MED6: variants seen among roughly 807,000 people sequenced by gnomAD.
MED6 encodes the protein mediator of RNA polymerase II transcription subunit 6.
Under a neutral mutation model 37.5 loss-of-function variants are expected in MED6, and 33 were observed. The ratio of observed to expected loss-of-function variants is 0.88; its 90% confidence interval spans 0.67 to 1.18. The LOEUF (loss-of-function observed/expected upper bound fraction) is 1.18. MED6 is among the 50% of genes most tolerant of loss of function. The probability of loss-of-function intolerance (pLI) is 0.00; values close to 1 mark genes in which losing one functional copy is unlikely to be tolerated. For synonymous variants in MED6, 94 were observed against 93.6 expected (o/e 1.00, Z -0.02); for missense variants, 235 against 290.6 (o/e 0.81, Z 1.39).
At chr14:70,592,789 A>T in intron 5 of MED6, 91 bp downstream of exon 5, 1 of 1,426,034 alleles carries the variant, frequency 7.0e-7, no homozygotes, top group Non-Finnish European at 9.7e-7. Flanking sequence ...AAACACACTT[A>T]GAAAAGATCA....
intron 5 of MED6, chr14:70,592,479 T>C (rs1051056582): frequency 1.3e-4 from 4 of 30,974 alleles, no homozygotes; most frequent in South Asian, 1.7e-3. Context: ...CCTATGTTCC[T>C]TTTTTTTTTT....
At chr14:70,594,692 G>C (rs953141045) in intron 3 of MED6, 4 of 458,152 alleles carry the variant, frequency 8.7e-6, no homozygotes, top group Admixed American at 2.7e-5. Flanking sequence ...AGATCTCCGT[G>C]TCCCGCTCCA....
chr14:70,598,164 C>G (rs529611858), intron 1 of MED6, among the ~76,000 whole-genome samples: 2 of 152,134 alleles, frequency 1.3e-5, no homozygotes, highest in East Asian at 3.9e-4. Flanking sequence ...CGTGTTTGTG[C>G]ATGCCCATAA....
Position 70,583,883 on chromosome 14 carries a change from C to T in MED6, c.*930G>A. On this transcript the variant is annotated 3_prime_UTR_variant, in exon 8 of 8. Transcript: ENST00000256379. ...TGCTGCCTAGGGACTTTGCAGACTTCCTACCAGCAAGAAGGCCCTCACCAG... is the reference window on the plus strand; with the variant it reads ...TGCTGCCTAGGGACTTTGCAGACTTTCTACCAGCAAGAAGGCCCTCACCAG... 2.5e-6 allele frequency: 1 copy of T among 394,964 alleles called. No individual in the cohort carries two copies. The allele number at this position is 394,964 out of a possible 1,614,324, so 24.5% of individuals were successfully genotyped here.
At chr14:70,599,768 T>C (rs1008104481) in intron 1 of MED6, among the ~76,000 whole-genome samples, 4 of 152,136 alleles carry the variant, frequency 2.6e-5, no homozygotes, top group African/African-American at 4.8e-5. Context: ...CATGTTGACA[T>C]AGCCCAAGCA....
Position 70,596,412 on chromosome 14 carries a change from A to C in MED6, c.274+199T>G. 8.2e-6 allele frequency: 4 copies of C among 488,774 alleles called. No homozygotes were observed. The South Asian group carries it at 1.3e-4, about 15-fold the overall frequency. 30.3% of individuals were successfully genotyped at this position (488,774 alleles called of 1,614,324 possible). ...AGTACTAATCTGGCTGCGTACCCTT[A>C]CTGTGTTGTCATAACAAATCTTAGC... is the stretch of plus-strand genomic sequence containing the variant. On this transcript the variant is annotated intron_variant, in intron 3 of 7. Coordinates refer to ENST00000256379, the MANE Select transcript of MED6 (RefSeq NM_005466.4).
chr14:70,586,480 C>A (rs1884710936), intron 6 of MED6, among the ~76,000 whole-genome samples: 1 of 152,200 alleles, frequency 6.6e-6, no homozygotes, highest in Non-Finnish European at 1.5e-5. Flanking sequence ...AAAACAACAA[C>A]AACAAAACCA....
intron 7 of MED6, 94 bp downstream of exon 7, chr14:70,585,662 T>C (rs375172063): frequency 8.9e-7 from 1 of 1,117,852 alleles, no homozygotes; most frequent in Non-Finnish European, 1.2e-6. Flanking sequence ...AAGGACAAAA[T>C]GACCACAGCT....
chr14:70,593,890 G>T (rs1333243561), intron 3 of MED6, among the ~76,000 whole-genome samples: 1 of 152,186 alleles, frequency 6.6e-6, no homozygotes, highest in African/African-American at 2.4e-5. Context: ...CCAGTGCTGG[G>T]TCCTAAGGAA....
chr14:70,597,889 T>C lies in MED6; in HGVS notation c.23-112A>G, dbSNP rs553877313. On this transcript the variant is annotated intron_variant, in intron 1 of 7. Coordinates refer to ENST00000256379, the MANE Select transcript of MED6 (RefSeq NM_005466.4). Reference sequence around the variant, plus strand: ...AGGCACTATGAATATAAGGATGACATAGATCCTAACCAACACACTCTCATG... The same window carrying C: ...AGGCACTATGAATATAAGGATGACACAGATCCTAACCAACACACTCTCATG... 7.8e-5 allele frequency: 61 copies of C among 784,350 alleles called. No individual in the cohort carries two copies. The African/African-American group carries it at 8.4e-4, about 11-fold the overall frequency. The allele number at this position is 784,350 out of a possible 1,614,324, so 48.6% of individuals were successfully genotyped here.
intron 3 of MED6, chr14:70,595,481 T>A: frequency 1.6e-6 from 1 of 640,284 alleles, no homozygotes; most frequent in Admixed American, 2.1e-5. Context: ...CGATGAGAAA[T>A]CTGAAGGCCA....
intron 3 of MED6, among the ~76,000 whole-genome samples, chr14:70,594,025 A>G (rs1190389276): frequency 2.0e-5 from 3 of 152,212 alleles, no homozygotes. Flanking sequence ...TACTCTGGGC[A>G]GGGACTCTAG....
intron 1 of MED6, among the ~76,000 whole-genome samples, chr14:70,598,579 A>G (rs1343506380): frequency 1.3e-5 from 2 of 152,228 alleles, no homozygotes; most frequent in East Asian, 3.8e-4. Context: ...ACGGTATGTT[A>G]AAGAATAAAT....
intron 6 of MED6, among the ~76,000 whole-genome samples, chr14:70,587,832 T>A (rs1884755041): frequency 6.6e-6 from 1 of 152,180 alleles, no homozygotes; most frequent in Non-Finnish European, 1.5e-5. Context: ...CATAAAAGGC[T>A]CCAAGGACTG....
At chr14:70,593,829 C>A (rs905477700) in intron 3 of MED6, among the ~76,000 whole-genome samples, 5 of 152,302 alleles carry the variant, frequency 3.3e-5, no homozygotes, top group Middle Eastern at 3.4e-3. Context: ...GCAAGACAGA[C>A]TGGGGGGTCC....
chr14:70,596,570 AT>A (rs1885053633), intron 3 of MED6, 40 bp downstream of exon 3: 2 of 1,472,976 alleles, frequency 1.4e-6, no homozygotes, highest in Middle Eastern at 1.7e-4. Context: ...AAATTATGGT[AT>A]TTTAAAAAGA....
At chr14:70,597,866 G>T in intron 1 of MED6, 89 bp from the exon 2 acceptor site, 1 of 1,060,912 alleles carries the variant, frequency 9.4e-7, no homozygotes, top group Non-Finnish European at 1.3e-6. Flanking sequence ...AATGTAGTAG[G>T]CACTATGAAT....
rs1443052557 is a variant in MED6 at position 70,597,788 on chromosome 14, G to C, written c.23-11C>G. On this transcript the variant is annotated splice_polypyrimidine_tract_variant and intron_variant, in intron 1 of 7. Transcript: ENST00000256379. Reference sequence around the variant, plus strand: ...TTCCCAGCAGATTGTCTATGGGAAAGAAAACAAAATGATAAAGGATTAGAA... The same window carrying C: ...TTCCCAGCAGATTGTCTATGGGAAACAAAACAAAATGATAAAGGATTAGAA... 6.5e-7 allele frequency: 1 copy of C among 1,531,332 alleles called. No homozygotes were observed. Among genetic ancestry groups the C allele is most frequent in the Non-Finnish European group, 8.7e-7 (1 of 1,152,332 alleles). 94.9% of individuals were successfully genotyped at this position (1,531,332 alleles called of 1,614,324 possible). A position where few individuals can be genotyped will look rare whatever the true frequency, so the allele number is the denominator to read the frequency against.
intron 1 of MED6, among the ~76,000 whole-genome samples, chr14:70,598,208 C>T (rs769190720): frequency 1.4e-4 from 22 of 152,040 alleles, no homozygotes; most frequent in Non-Finnish European, 2.5e-4. Context: ...ACAGGAGAAT[C>T]GCTTGCACCC....
Sources: allele counts gnomAD v4.1 joint callset (sites outside exome capture counted in the v4.1 genomes callset), GRCh38; gene constraint gnomAD v4.1.1; transcripts MANE v1.5; gene names NCBI Gene and HGNC (gene_info 2026-07-23, HGNC 2026-07-21).